The following CFAP299 variants were observed in gnomAD, a reference collection of about 807,000 sequenced individuals.
CFAP299 encodes the protein cilia- and flagella-associated protein 299.
CFAP299 carries 21 observed loss-of-function variants against 27.0 expected under a neutral mutation model. That is an observed-to-expected ratio of 0.78 (90% CI 0.55 to 1.12). The LOEUF is 1.12. Ranked by LOEUF, CFAP299 falls within the 50% of genes most tolerant of loss-of-function variation. CFAP299 has a pLI of 0.00. For missense variants in CFAP299, 310 were observed against 276.6 expected, an observed-to-expected ratio of 1.12 and a Z score of -0.86; for synonymous variants, 104 against 98.1, an observed-to-expected ratio of 1.06 and a Z score of -0.36.
At chr4:80,606,997 C>A (rs2109910839) in intron 3 of CFAP299, among the ~76,000 whole-genome samples, 1 of 151,854 alleles carries the variant, frequency 6.6e-6, no homozygotes, top group East Asian at 1.9e-4. Context: ...GTAATGTTTG[C>A]AGAAGGAAGG....
intron 2 of CFAP299, among the ~76,000 whole-genome samples, chr4:80,473,070 C>T: frequency 6.6e-6 from 1 of 152,026 alleles, no homozygotes; most frequent in East Asian, 1.9e-4. Flanking sequence ...CTTAAGATTT[C>T]TCAGGGGTCA....
At chr4:80,865,094 CA>C (rs973007013) in intron 3 of CFAP299, among the ~76,000 whole-genome samples, 8 of 151,924 alleles carry the variant, frequency 5.3e-5, no homozygotes, top group African/African-American at 1.9e-4. Context: ...TGGGAGTTAC[CA>C]AAACTCTCAA....
At chr4:80,619,487 G>A (rs768306292) in intron 3 of CFAP299, among the ~76,000 whole-genome samples, 3 of 152,028 alleles carry the variant, frequency 2.0e-5, no homozygotes, top group Non-Finnish European at 4.4e-5. Context: ...ACTGAAAGAA[G>A]AAACCAATAA....
chr4:80,582,524 G>T (rs1213328106), intron 2 of CFAP299, among the ~76,000 whole-genome samples: 4 of 151,808 alleles, frequency 2.6e-5, no homozygotes, highest in African/African-American at 9.7e-5. Context: ...GTTCAGTTTT[G>T]CTTGATTGAG....
intron 3 of CFAP299, among the ~76,000 whole-genome samples, chr4:80,844,783 C>A (rs1167312815): frequency 6.6e-6 from 1 of 152,154 alleles, no homozygotes; most frequent in Non-Finnish European, 1.5e-5. Context: ...TCAATTTTGG[C>A]TTTTGTTGCC....
intron 4 of CFAP299, among the ~76,000 whole-genome samples, chr4:80,880,748 AAAATAAAATT>A (rs1733656945): frequency 7.2e-6 from 1 of 139,020 alleles, no homozygotes; most frequent in South Asian, 2.5e-4. Flanking sequence ...AAAATAAAAT[AAAATAAAATT>A]AAATTAAATT....
intron 2 of CFAP299, among the ~76,000 whole-genome samples, chr4:80,544,491 A>G (rs1335259040): frequency 1.3e-5 from 2 of 152,230 alleles, no homozygotes; most frequent in Non-Finnish European, 2.9e-5. Flanking sequence ...CAAATATGAC[A>G]TCCTTAGGCT....
chr4:80,466,753 C>T (rs1407954485), intron 2 of CFAP299, among the ~76,000 whole-genome samples: 1 of 152,186 alleles, frequency 6.6e-6, no homozygotes, highest in Non-Finnish European at 1.5e-5. Flanking sequence ...AGGCACTGCC[C>T]CTGACTTCAA....
intron 3 of CFAP299, among the ~76,000 whole-genome samples, chr4:80,857,584 A>G (rs1731997477): frequency 6.6e-6 from 1 of 152,220 alleles, no homozygotes; most frequent in Admixed American, 6.5e-5. Context: ...CATCCCATCA[A>G]TACCTAATTA....
intron 2 of CFAP299, among the ~76,000 whole-genome samples, chr4:80,496,051 C>T (rs995596970): frequency 2.0e-5 from 3 of 152,200 alleles, no homozygotes; most frequent in Admixed American, 2.0e-4. Context: ...ACTTCAAGGC[C>T]TTTTTCCCAT....
At chr4:80,336,130 T>C (rs1207146017) in intron 1 of CFAP299, among the ~76,000 whole-genome samples, 2 of 152,196 alleles carry the variant, frequency 1.3e-5, no homozygotes, top group African/African-American at 2.4e-5. Context: ...ACACTCACAC[T>C]GGGGAGCCAT....
the CFAP299 span, among the ~76,000 whole-genome samples, chr4:80,325,805 A>G: frequency 2.0e-5 from 3 of 152,222 alleles, no homozygotes; most frequent in Non-Finnish European, 2.9e-5. Flanking sequence ...CTAGGTATCT[A>G]TAGATGAAGG....
intron 2 of CFAP299, among the ~76,000 whole-genome samples, 173 bp from the exon 3 acceptor site, chr4:80,582,916 TAAAG>T (rs1364293101): frequency 6.6e-6 from 1 of 151,906 alleles, no homozygotes; most frequent in East Asian, 1.9e-4. Context: ...TGTTTATAAA[TAAAG>T]ACTCTATTAC....
At chr4:80,518,314 A>T (rs982195509) in intron 2 of CFAP299, among the ~76,000 whole-genome samples, 2 of 152,150 alleles carry the variant, frequency 1.3e-5, no homozygotes, top group Admixed American at 1.3e-4. Context: ...AGCACTACAT[A>T]AGCCATTAAA....
intron 2 of CFAP299, among the ~76,000 whole-genome samples, chr4:80,416,693 T>C (rs1361301677): frequency 2.6e-5 from 4 of 152,248 alleles, no homozygotes; most frequent in Admixed American, 2.0e-4. Context: ...TGCATCATTG[T>C]ATTACAACTA....
chr4:80,715,336 A>G (rs904100530), intron 3 of CFAP299, among the ~76,000 whole-genome samples: 5 of 152,208 alleles, frequency 3.3e-5, no homozygotes, highest in Admixed American at 2.0e-4. Flanking sequence ...GGGAAAAAGG[A>G]CAAGTTGGCT....
intron 4 of CFAP299, among the ~76,000 whole-genome samples, chr4:80,923,296 C>T (rs555680506): frequency 6.6e-6 from 1 of 152,112 alleles, no homozygotes; most frequent in Admixed American, 6.6e-5. Flanking sequence ...ACATACACAC[C>T]CTGTGAACCT....
At chr4:80,488,522 G>A (rs1253341792) in intron 2 of CFAP299, among the ~76,000 whole-genome samples, 1 of 146,886 alleles carries the variant, frequency 6.8e-6, no homozygotes, top group African/African-American at 2.6e-5. Flanking sequence ...TGCCCAGGCT[G>A]GAGTGCAGTG....
chr4:80,479,135 A>G (rs1340617965), intron 2 of CFAP299, among the ~76,000 whole-genome samples: 1 of 152,076 alleles, frequency 6.6e-6, no homozygotes, highest in African/African-American at 2.4e-5. Context: ...ACAATTTTAC[A>G]CTGCCAAGCA....
Sources: allele counts gnomAD v4.1 joint callset (sites outside exome capture counted in the v4.1 genomes callset), GRCh38; gene constraint gnomAD v4.1.1; transcripts MANE v1.5; gene names NCBI Gene and HGNC (gene_info 2026-07-23, HGNC 2026-07-21).